Variants in KIF13A observed in about 807,000 individuals in gnomAD.
KIF13A encodes the protein kinesin family member 13A, also known as kinesin-like protein KIF13A.
Under a neutral mutation model 212.2 loss-of-function variants are expected in KIF13A, and 79 were observed. The observed-to-expected ratio is 0.37, with a 90% confidence interval of 0.31 to 0.45. The LOEUF (loss-of-function observed/expected upper bound fraction) is 0.45, where lower values mean the gene tolerates loss of function less well. Among genes scored for constraint, KIF13A ranks in the 20% least tolerant of loss-of-function variants. The pLI is 1.00. For synonymous variants in KIF13A, 789 were observed against 808.6 expected (o/e 0.98, Z 0.41); for missense variants, 1,901 against 2,209.0 (o/e 0.86, Z 2.79).
rs1268602547 is a variant in KIF13A at position 17,783,111 on chromosome 6, A to G, written c.3544+535T>C. Among the ~76,000 whole-genome samples the G allele has an allele frequency of 6.6e-6, 1 of 152,090 alleles. No individual in the cohort carries two copies. Among genetic ancestry groups the G allele is most frequent in the Non-Finnish European group, 1.5e-5 (1 of 68,016 alleles). The stretch of plus-strand genomic sequence containing the variant: ...TCTACCAGGATCCTGCCCACTGCAA[A>G]CTCAGCAACTCTGCCGTTGTTTTCT... On this transcript the variant is annotated intron_variant, in intron 29 of 38. Coordinates refer to ENST00000259711, the MANE Select transcript of KIF13A (RefSeq NM_022113.6). This position sits in a 1 kb window ranked among gnomAD's most constrained non-coding sequence, Gnocchi z 4.3.
intron 2 of KIF13A, among the ~76,000 whole-genome samples, chr6:17,974,665 A>C (rs1404154505): frequency 1.3e-5 from 2 of 152,222 alleles, no homozygotes; most frequent in African/African-American, 4.8e-5. Flanking sequence ...GCTTTTTTAA[A>C]AAAAATCCTA....
intron 2 of KIF13A, among the ~76,000 whole-genome samples, chr6:17,966,056 T>A (rs920255867): frequency 6.6e-6 from 1 of 152,106 alleles, no homozygotes; most frequent in African/African-American, 2.4e-5. Flanking sequence ...TAGCTGGATG[T>A]GATGGCGTGT....
chr6:17,868,878 C>T (rs1249332409), intron 4 of KIF13A, among the ~76,000 whole-genome samples: 1 of 150,230 alleles, frequency 6.7e-6, no homozygotes, highest in African/African-American at 2.5e-5. Context: ...TCTGTAATCC[C>T]AGCTACTCAG....
In KIF13A at chr6:17,822,129, C is replaced by T. The variant is rs116782765; in HGVS notation, c.1786+3639G>A. Reference sequence around the variant, plus strand: ...ATCTCAGCTCTAACTGCGGCCTCCACCTCCCAGGTTCAGGTGGTGCTCCTG... The same window carrying T: ...ATCTCAGCTCTAACTGCGGCCTCCATCTCCCAGGTTCAGGTGGTGCTCCTG... On this transcript the variant is annotated intron_variant, in intron 16 of 38. Transcript: ENST00000259711. 7.8e-3 allele frequency among the ~76,000 whole-genome samples: 1,183 copies of T among 151,638 alleles called. 9 individuals are homozygous for T. The highest frequency in any genetic ancestry group is 0.013 in the Non-Finnish European group (859 of 67,960).
Position 17,847,430 on chromosome 6 carries a change from C to G in KIF13A, c.830+1947G>C, listed in dbSNP as rs555995283. Among the ~76,000 whole-genome samples the G allele has an allele frequency of 2.0e-5, 3 of 152,318 alleles. No individual in the cohort carries two copies. The South Asian group carries it at 6.2e-4, about 32-fold the overall frequency. ...ATGATTAACTTCCTATAGTAGTGGT[C>G]TTTCCCTGTGAGTACGGCTGTGTCC... On this transcript the variant is annotated intron_variant, in intron 9 of 38. Transcript: ENST00000259711.
intron 9 of KIF13A, among the ~76,000 whole-genome samples, chr6:17,847,682 G>A (rs1238712838): frequency 1.3e-5 from 2 of 152,042 alleles, no homozygotes; most frequent in East Asian, 3.9e-4. Flanking sequence ...TCATGATAAT[G>A]GTTATCCTGA....
chr6:17,815,311 T>C (rs1218192550), intron 17 of KIF13A, among the ~76,000 whole-genome samples: 2 of 139,490 alleles, frequency 1.4e-5, no homozygotes, highest in Non-Finnish European at 3.1e-5. Context: ...GACAGGCCTC[T>C]GGATGGCTGC....
Position 17,915,636 on chromosome 6 carries a change from T to C in KIF13A, c.147-17456A>G, listed in dbSNP as rs925125589. Among the ~76,000 whole-genome samples the C allele has an allele frequency of 1.3e-5, 2 of 152,078 alleles. No individual in the cohort carries two copies. Among genetic ancestry groups the C allele is most frequent in the Admixed American group, 6.6e-5 (1 of 15,266 alleles). ...TCACTGCAGAACCATGTAGTTTCAA[T>C]GTCACATCGAGTTGAATCACCAGGA... On this transcript the variant is annotated intron_variant, in intron 2 of 38. Transcript: ENST00000259711. This position sits in a 1 kb window ranked among gnomAD's most constrained non-coding sequence, Gnocchi z 4.4.
intron 30 of KIF13A, 117 bp from the exon 31 acceptor site, chr6:17,781,023 T>C (rs1760520367): frequency 7.4e-7 from 1 of 1,354,298 alleles, no homozygotes; most frequent in Non-Finnish European, 1.0e-6. Context: ...AATAGATTTC[T>C]TTCCTCACCT....
chr6:17,838,095 T>C lies in KIF13A; in HGVS notation c.831-512A>G, dbSNP rs1284548634. 6.6e-6 allele frequency among the ~76,000 whole-genome samples: 1 copy of C among 151,942 alleles called. No individual in the cohort carries two copies. The highest frequency in any genetic ancestry group is 6.6e-5 in the Admixed American group (1 of 15,250). On this transcript the variant is annotated intron_variant, in intron 9 of 38. Coordinates refer to ENST00000259711, the MANE Select transcript of KIF13A (RefSeq NM_022113.6). The surrounding 1 kb of genome is among the most constrained non-coding windows in gnomAD (Gnocchi z 4.2). Reference sequence around the variant, plus strand: ...ACTTTGGGAGGCTGAGGCAGGTGGATCATGAGGTCAGGGGTCAGGAGATCA... The same window carrying C: ...ACTTTGGGAGGCTGAGGCAGGTGGACCATGAGGTCAGGGGTCAGGAGATCA...
At chr6:17,943,137 A>G (rs1777094562) in intron 2 of KIF13A, among the ~76,000 whole-genome samples, 1 of 152,186 alleles carries the variant, frequency 6.6e-6, no homozygotes, top group Non-Finnish European at 1.5e-5. Context: ...CACAAAGTAC[A>G]TTTCCTTGAG....
intron 2 of KIF13A, among the ~76,000 whole-genome samples, chr6:17,923,684 A>G (rs1055007015): frequency 6.6e-6 from 1 of 152,200 alleles, no homozygotes; most frequent in Non-Finnish European, 1.5e-5. Flanking sequence ...GGGCCAGTAA[A>G]AAGGGAGCAG....
intron 20 of KIF13A, among the ~76,000 whole-genome samples, chr6:17,802,186 T>C (rs2150335133): frequency 2.0e-5 from 3 of 152,054 alleles, no homozygotes; most frequent in Middle Eastern, 6.8e-3. Flanking sequence ...ACCAAGGACC[T>C]ACAAGAAATT....
rs961599592 is a variant in KIF13A at position 17,808,786 on chromosome 6, G to A, written c.2145C>T (p.Asn715=). 6.2e-7 allele frequency: 1 copy of A among 1,613,326 alleles called. No individual in the cohort carries two copies. Among genetic ancestry groups the A allele is most frequent in the African/African-American group, 1.3e-5 (1 of 75,010 alleles). Residue 715 remains asparagine (N), a synonymous_variant, in exon 18 of 39, where the codon AAC becomes AAT. Coordinates refer to ENST00000259711, the MANE Select transcript of KIF13A (RefSeq NM_022113.6). ...YQVTLQIPAA[N]LSANRKRGAI... ...TTCTTACCTTCCTATTGGCACTGAG[G>A]TTTGCAGCAGGGATCTGAAGAGTCA...
In KIF13A at chr6:17,888,690, T is replaced by G. The variant is rs542260436; in HGVS notation, c.159+9478A>C. Among the ~76,000 whole-genome samples, 1 of 152,166 alleles carries G rather than the reference T, an allele frequency of 6.6e-6. No homozygotes were observed. The highest frequency in any genetic ancestry group is 6.5e-5 in the Admixed American group (1 of 15,280). ...AAATACAAAAATTAGCTGGGCGTGGTGGCACAGGCCTGTAGTCCCACCTAC... is the reference window on the plus strand; with the variant it reads ...AAATACAAAAATTAGCTGGGCGTGGGGGCACAGGCCTGTAGTCCCACCTAC... On this transcript the variant is annotated intron_variant, in intron 3 of 38. Transcript: ENST00000259711. The surrounding 1 kb of genome is among the most constrained non-coding windows in gnomAD (Gnocchi z 4.8).
chr6:17,828,411 G>A lies in KIF13A; in HGVS notation c.1402-41C>T. On this transcript the variant is annotated intron_variant, in intron 13 of 38. Coordinates refer to ENST00000259711, the MANE Select transcript of KIF13A (RefSeq NM_022113.6). The surrounding 1 kb of genome is among the most constrained non-coding windows in gnomAD (Gnocchi z 4.3). ...TAAGGAAAGAAAAACCCACATTTAT[G>A]AGTAACTCAGCAAAAATGTATCACA... 6.4e-7 allele frequency: 1 copy of A among 1,571,470 alleles called. No individual in the cohort carries two copies. Among genetic ancestry groups the A allele is most frequent in the Non-Finnish European group, 8.7e-7 (1 of 1,154,444 alleles).
chr6:17,776,078 A>AG lies in KIF13A; in HGVS notation c.4171-1017_4171-1016insC, dbSNP rs1759954469. ...TTTTTAGTAGAGACCGGGTTTCTCC[A>AG]TGTTGGTCAGGCTGGTCTTGAACTC... On this transcript the variant is annotated intron_variant, in intron 34 of 38. Coordinates refer to ENST00000259711, the MANE Select transcript of KIF13A (RefSeq NM_022113.6). The surrounding 1 kb of genome is among the most constrained non-coding windows in gnomAD (Gnocchi z 4.6). 6.6e-6 allele frequency among the ~76,000 whole-genome samples: 1 copy of AG among 152,086 alleles called. No homozygotes were observed. Among genetic ancestry groups the AG allele is most frequent in the African/African-American group, 2.4e-5 (1 of 41,408 alleles).
At chr6:17,929,129 T>C (rs1298988724) in intron 2 of KIF13A, among the ~76,000 whole-genome samples, 1 of 151,470 alleles carries the variant, frequency 6.6e-6, no homozygotes, top group Non-Finnish European at 1.5e-5. Flanking sequence ...CACAATTTGT[T>C]AAATCACTAC....
At chr6:17,763,126 A>G (rs1180923803), downstream of KIF13A, among the ~76,000 whole-genome samples, 1 of 152,170 alleles carries the variant, frequency 6.6e-6, no homozygotes, top group Admixed American at 6.5e-5. Flanking sequence ...AACATCTCTT[A>G]TTTATGTAAT....
Sources: gnomAD v4.1 joint callset for allele counts (sites outside exome capture counted in the v4.1 genomes callset) on GRCh38, gnomAD v4.1.1 for gene constraint, Gnocchi (gnomAD v3.1) non-coding constraint, MANE v1.5 for transcripts, NCBI Gene and HGNC (gene_info 2026-07-23, HGNC 2026-07-21) for gene names.